Variants in LRRTM4 observed in about 807,000 individuals in gnomAD.
LRRTM4 encodes the protein leucine-rich repeat transmembrane neuronal protein 4.
LRRTM4 carries 25 observed loss-of-function variants against 47.6 expected under a neutral mutation model. The observed-to-expected ratio is 0.53, with a 90% CI of 0.38 to 0.73. LRRTM4 has a LOEUF of 0.73. Among genes scored for constraint, LRRTM4 ranks in the 30% least tolerant of loss-of-function variants. LRRTM4 has a pLI of 0.00. For missense variants in LRRTM4, 638 were observed against 713.4 expected, an observed-to-expected ratio of 0.89 and a Z score of 1.20; for synonymous variants, 311 against 269.5, an observed-to-expected ratio of 1.15 and a Z score of -1.51.
intron 3 of LRRTM4, among the ~76,000 whole-genome samples, chr2:76,849,638 G>A (rs550558684): frequency 5.3e-5 from 8 of 152,070 alleles, no homozygotes; most frequent in African/African-American, 1.9e-4. Context: ...CTCATCAACT[G>A]TCTCTATCAA....
intron 3 of LRRTM4, among the ~76,000 whole-genome samples, chr2:77,395,454 G>C (rs961116864): frequency 5.9e-5 from 9 of 151,910 alleles, no homozygotes; most frequent in Non-Finnish European, 1.2e-4. Flanking sequence ...GAATTTTCTT[G>C]AAAACACAGA....
At chr2:77,313,473 A>G (rs1184999780) in intron 3 of LRRTM4, among the ~76,000 whole-genome samples, 10 of 103,582 alleles carry the variant, frequency 9.7e-5, no homozygotes, top group South Asian at 6.3e-4. Flanking sequence ...GCTGTGATGT[A>G]CCTCCCTATG....
chr2:77,096,508 C>T (rs897391071), intron 3 of LRRTM4, among the ~76,000 whole-genome samples: 1 of 150,904 alleles, frequency 6.6e-6, no homozygotes. Flanking sequence ...GTCAAAAGTA[C>T]AAAACAATAA....
chr2:77,054,472 G>A (rs1679538113), intron 3 of LRRTM4, among the ~76,000 whole-genome samples: 1 of 152,116 alleles, frequency 6.6e-6, no homozygotes, highest in African/African-American at 2.4e-5. Flanking sequence ...TGCCTCACTT[G>A]GCATTTTGTG....
At chr2:77,422,241 GT>G (rs1193582670) in intron 3 of LRRTM4, among the ~76,000 whole-genome samples, 1 of 152,164 alleles carries the variant, frequency 6.6e-6, no homozygotes, top group East Asian at 1.9e-4. Flanking sequence ...GCTAATGAAA[GT>G]AGAAATATTT....
At position 76,940,851 on chromosome 2, in the gene LRRTM4, ACT is replaced by A. The variant is rs200222324; in HGVS notation, c.1552-191937_1552-191936del. On this transcript the variant is annotated intron_variant, in intron 3 of 3. Coordinates refer to ENST00000409884, the MANE Select transcript of LRRTM4 (RefSeq NM_001134745.3). The stretch of plus-strand genomic sequence containing the variant: ...ATAGCTTAGTCCTTGCAAAAAAATC[ACT>A]CTCTCAGGATTGTTTTTCTTCTCTC... Among the ~76,000 whole-genome samples, 1,173 of 151,860 alleles carry A rather than the reference ACT, an allele frequency of 7.7e-3. 18 individuals carry two copies. Among genetic ancestry groups the A allele is most frequent in the African/African-American group, 0.027 (1,117 of 41,398 alleles).
At chr2:77,327,760 A>G (rs1019915933) in intron 3 of LRRTM4, among the ~76,000 whole-genome samples, 7 of 152,172 alleles carry the variant, frequency 4.6e-5, no homozygotes, top group Admixed American at 4.6e-4. Context: ...CCCCCTTGAA[A>G]CCAATACAAT....
At chr2:77,118,365 A>C (rs1176782) in intron 3 of LRRTM4, among the ~76,000 whole-genome samples, 23,798 of 151,896 alleles carry the variant, frequency 0.16, 3,762 homozygotes, top group African/African-American at 0.4. Context: ...TCACAAAGGA[A>C]AATGATATAC....
At chr2:77,256,283 C>T (rs1260644800) in intron 3 of LRRTM4, among the ~76,000 whole-genome samples, 1 of 152,066 alleles carries the variant, frequency 6.6e-6, no homozygotes, top group Non-Finnish European at 1.5e-5. Flanking sequence ...TTTTAAAATA[C>T]TAAAAAATAA....
At chr2:76,753,121 G>T (rs1041272556) in intron 3 of LRRTM4, among the ~76,000 whole-genome samples, 4 of 152,080 alleles carry the variant, frequency 2.6e-5, no homozygotes, top group Admixed American at 2.6e-4. Context: ...CTTTCATTCA[G>T]GGATAGTTTA....
chr2:76,775,123 T>A (rs540293750), intron 3 of LRRTM4, among the ~76,000 whole-genome samples: 1 of 152,202 alleles, frequency 6.6e-6, no homozygotes, highest in Non-Finnish European at 1.5e-5. Flanking sequence ...ATTGGCTCTA[T>A]CATAAATCTT....
At chr2:76,817,024 T>C (rs751336765) in intron 3 of LRRTM4, among the ~76,000 whole-genome samples, 12 of 151,728 alleles carry the variant, frequency 7.9e-5, no homozygotes, top group South Asian at 4.1e-4. Context: ...GATTGTTCTA[T>C]TGAATCTTAA....
intron 3 of LRRTM4, among the ~76,000 whole-genome samples, chr2:76,952,558 T>C (rs1371068281): frequency 2.0e-5 from 3 of 151,898 alleles, no homozygotes; most frequent in East Asian, 1.9e-4. Flanking sequence ...GGCAAGTTTG[T>C]ACAAAAAGGG....
At chr2:76,857,511 A>G (rs1409242432) in intron 3 of LRRTM4, among the ~76,000 whole-genome samples, 1 of 151,934 alleles carries the variant, frequency 6.6e-6, no homozygotes, top group East Asian at 1.9e-4. Flanking sequence ...TGGATTTTTG[A>G]CTATGCAGGG....
chr2:76,895,314 C>G (rs1460097649), intron 3 of LRRTM4, among the ~76,000 whole-genome samples: 1 of 152,052 alleles, frequency 6.6e-6, no homozygotes, highest in East Asian at 1.9e-4. Flanking sequence ...TGAGTGTACT[C>G]TCCAATTGCT....
chr2:76,984,967 T>G (rs527246675), intron 3 of LRRTM4, among the ~76,000 whole-genome samples: 1 of 152,000 alleles, frequency 6.6e-6, no homozygotes, highest in African/African-American at 2.4e-5. Context: ...TTTCTGAAAT[T>G]TGGGGAAAAT....
At chr2:77,215,537 T>G (rs1674412657) in intron 3 of LRRTM4, among the ~76,000 whole-genome samples, 1 of 152,164 alleles carries the variant, frequency 6.6e-6, no homozygotes, top group Admixed American at 6.5e-5. Context: ...TTAACTATTC[T>G]TGGTATCTCC....
intron 3 of LRRTM4, among the ~76,000 whole-genome samples, chr2:76,981,834 C>A (rs1676619018): frequency 6.6e-6 from 1 of 151,790 alleles, no homozygotes; most frequent in Non-Finnish European, 1.5e-5. Context: ...GTCTAGGCTT[C>A]TATGTAGAGC....
intron 3 of LRRTM4, among the ~76,000 whole-genome samples, chr2:76,933,776 A>G (rs1471481219): frequency 1.3e-5 from 2 of 152,124 alleles, no homozygotes; most frequent in East Asian, 3.9e-4. Flanking sequence ...CAGAATTAGT[A>G]TCAGAATCAA....
Sources: gnomAD v4.1 joint callset for allele counts (sites outside exome capture counted in the v4.1 genomes callset) on GRCh38, gnomAD v4.1.1 for gene constraint, MANE v1.5 for transcripts, NCBI Gene and HGNC (gene_info 2026-07-23, HGNC 2026-07-21) for gene names.